HMGB1: variants seen among roughly 807,000 people sequenced by gnomAD.
HMGB1 encodes the protein high mobility group protein B1.
For missense variants in HMGB1, 79 were observed against 253.5 expected (o/e 0.31, Z 4.67); for synonymous variants, 81 against 84.0 (o/e 0.96, Z 0.19).
intron 1 of HMGB1, among the ~76,000 whole-genome samples, chr13:30,574,958 T>C (rs563047836): frequency 1.6e-3 from 249 of 152,318 alleles, no homozygotes; most frequent in African/African-American, 5.7e-3. Flanking sequence ...AAAATTCTAT[T>C]AATGGCCTCG....
At chr13:30,465,055 G>A in intron 1 of HMGB1, 2 of 632,608 alleles carry the variant, frequency 3.2e-6, no homozygotes, top group Non-Finnish European at 3.9e-6. Flanking sequence ...TGAAAAGAGA[G>A]AGGAAAAAAA....
chr13:30,488,564 G>A (rs565344700), intron 1 of HMGB1, among the ~76,000 whole-genome samples: 1 of 151,662 alleles, frequency 6.6e-6, no homozygotes, highest in African/African-American at 2.4e-5. Context: ...GCTCACTGTA[G>A]TCTTGCCCTC....
chr13:30,471,328 GGTTTTTTT>G (rs1202478364), intron 1 of HMGB1, among the ~76,000 whole-genome samples: 2 of 151,770 alleles, frequency 1.3e-5, no homozygotes, highest in South Asian at 2.1e-4. Context: ...ACCAATGGTT[GGTTTTTTT>G]GTTTTTTTGT....
At chr13:30,512,705 T>C (rs773464795) in intron 1 of HMGB1, among the ~76,000 whole-genome samples, 1 of 152,198 alleles carries the variant, frequency 6.6e-6, no homozygotes, top group Non-Finnish European at 1.5e-5. Flanking sequence ...GTAATAATAA[T>C]GATAATTAAC....
intron 1 of HMGB1, among the ~76,000 whole-genome samples, chr13:30,565,655 C>T (rs1011792150): frequency 6.6e-6 from 1 of 152,196 alleles, no homozygotes; most frequent in Admixed American, 6.5e-5. Context: ...GTCTGCATGT[C>T]TGATATGCTT....
chr13:30,522,974 A>G (rs2137476685), intron 1 of HMGB1, among the ~76,000 whole-genome samples: 1 of 152,130 alleles, frequency 6.6e-6, no homozygotes, highest in Admixed American at 6.5e-5. Context: ...TCGGCCTCCC[A>G]AAGTGTTGGG....
At chr13:30,481,702 T>C (rs1473480483) in intron 1 of HMGB1, among the ~76,000 whole-genome samples, 6 of 152,226 alleles carry the variant, frequency 3.9e-5, no homozygotes, top group African/African-American at 1.4e-4. Flanking sequence ...GCTCCACTCT[T>C]GAAGCGTGCC....
chr13:30,467,329 A>T (rs1218709039), upstream of HMGB1, among the ~76,000 whole-genome samples: 1 of 152,192 alleles, frequency 6.6e-6, no homozygotes, highest in Non-Finnish European at 1.5e-5. Flanking sequence ...TGTTAATTTG[A>T]TTTTTTATAT....
intron 1 of HMGB1, among the ~76,000 whole-genome samples, chr13:30,505,951 C>T (rs1887856631): frequency 6.6e-6 from 1 of 151,858 alleles, no homozygotes; most frequent in Non-Finnish European, 1.5e-5. Context: ...TCTTGAACCC[C>T]TGGCGTCTGG....
intron 1 of HMGB1, among the ~76,000 whole-genome samples, chr13:30,584,293 A>G (rs1871046748): frequency 1.3e-5 from 2 of 152,046 alleles, no homozygotes; most frequent in Non-Finnish European, 2.9e-5. Context: ...ACCTCAGAAC[A>G]TGTGCACTTT....
chr13:30,583,761 C>A (rs756374642), intron 1 of HMGB1, among the ~76,000 whole-genome samples: 1 of 150,114 alleles, frequency 6.7e-6, no homozygotes, highest in African/African-American at 2.5e-5. Flanking sequence ...ATTGCTTGAA[C>A]CCGGGAGGCG....
intron 1 of HMGB1, among the ~76,000 whole-genome samples, chr13:30,526,081 G>C (rs2137480277): frequency 6.6e-6 from 1 of 152,112 alleles, no homozygotes; most frequent in Non-Finnish European, 1.5e-5. Context: ...TTTTGAGACA[G>C]GGTCTTGCTC....
intron 1 of HMGB1, among the ~76,000 whole-genome samples, chr13:30,556,340 G>T (rs1039621651): frequency 2.0e-5 from 3 of 152,188 alleles, no homozygotes; most frequent in African/African-American, 2.4e-5. Context: ...AGAGGTGGAG[G>T]TTGCAGTGAG....
chr13:30,587,591 A>G (rs1236456206), intron 1 of HMGB1, among the ~76,000 whole-genome samples: 1 of 152,180 alleles, frequency 6.6e-6, no homozygotes, highest in East Asian at 1.9e-4. Flanking sequence ...AATAACTTGG[A>G]TTTGTATCTA....
intron 1 of HMGB1, among the ~76,000 whole-genome samples, chr13:30,505,076 T>A (rs1162064250): frequency 6.6e-6 from 1 of 151,880 alleles, no homozygotes; most frequent in Non-Finnish European, 1.5e-5. Context: ...GTTTAAGCAA[T>A]TCTCTTATCT....
chr13:30,506,160 C>T (rs1038234442), intron 1 of HMGB1, among the ~76,000 whole-genome samples: 3 of 152,178 alleles, frequency 2.0e-5, no homozygotes, highest in Non-Finnish European at 4.4e-5. Context: ...CCCTTTCCAG[C>T]CCCTTCCCAG....
intron 1 of HMGB1, among the ~76,000 whole-genome samples, chr13:30,586,739 C>T (rs1468213510): frequency 6.6e-6 from 1 of 151,876 alleles, no homozygotes; most frequent in African/African-American, 2.4e-5. Flanking sequence ...CCCACCTTGG[C>T]CTCCCAAAGG....
intron 1 of HMGB1, among the ~76,000 whole-genome samples, chr13:30,614,261 G>A (rs1055285211): frequency 1.3e-5 from 2 of 152,198 alleles, no homozygotes; most frequent in Admixed American, 1.3e-4. Flanking sequence ...TGAACAAAAT[G>A]ACAAGTTTAG....
At chr13:30,506,064 C>T (rs531163509) in intron 1 of HMGB1, among the ~76,000 whole-genome samples, 3 of 152,244 alleles carry the variant, frequency 2.0e-5, no homozygotes, top group African/African-American at 4.8e-5. Context: ...ACAGTCCCCA[C>T]AGAAAGACTA....
Sources: gnomAD v4.1 joint callset for allele counts (sites outside exome capture counted in the v4.1 genomes callset) on GRCh38, gnomAD v4.1.1 for gene constraint, MANE v1.5 for transcripts, NCBI Gene and HGNC (gene_info 2026-07-23, HGNC 2026-07-21) for gene names.